The following CAST variants were observed in gnomAD, a reference collection of about 807,000 sequenced individuals.
The protein encoded by CAST is MIR583 host.
CAST carries 76 observed loss-of-function variants against 119.6 expected under a neutral mutation model. That is an observed-to-expected ratio of 0.64 (90% CI 0.53 to 0.77). CAST has a LOEUF of 0.77. Among genes scored for constraint, CAST ranks in the 30% least tolerant of loss-of-function variants. The pLI, the probability that CAST is intolerant of heterozygous loss-of-function variation, is 0.00. For synonymous variants in CAST, 319 were observed against 331.6 expected, an observed-to-expected ratio of 0.96 and a Z score of 0.41; for missense variants, 953 against 946.5, an observed-to-expected ratio of 1.01 and a Z score of -0.09.
the CAST span, among the ~76,000 whole-genome samples, chr5:96,345,137 AGAT>A: frequency 3.3e-5 from 5 of 152,120 alleles, no homozygotes. Context: ...TTGTCATGGG[AGAT>A]GATATCTAAC....
At chr5:96,529,204 A>G (rs1475131635), upstream of CAST, among the ~76,000 whole-genome samples, 1 of 152,202 alleles carries the variant, frequency 6.6e-6, no homozygotes, top group Non-Finnish European at 1.5e-5. Context: ...TGTTAATTTC[A>G]TCAAGTTGGG....
At chr5:96,279,871 C>G in the CAST span, among the ~76,000 whole-genome samples, 2,048 of 152,338 alleles carry the variant, frequency 0.013, 37 homozygotes, top group South Asian at 0.082. Context: ...GTCCTAGACA[C>G]AGTCAACATC....
the CAST span, among the ~76,000 whole-genome samples, chr5:96,261,905 A>G: frequency 4.6e-5 from 7 of 152,332 alleles, no homozygotes; most frequent in African/African-American, 1.7e-4. Flanking sequence ...ATTTTCAGGA[A>G]CATTCTTTTT....
At chr5:96,235,112 G>C in the CAST span, among the ~76,000 whole-genome samples, 2 of 152,148 alleles carry the variant, frequency 1.3e-5, no homozygotes, top group South Asian at 2.1e-4. Flanking sequence ...TCCCAAAGGT[G>C]CCCCTCCAAG....
the CAST span, among the ~76,000 whole-genome samples, chr5:96,413,929 C>T: frequency 7.6e-6 from 1 of 132,384 alleles, no homozygotes; most frequent in African/African-American, 3.0e-5. Context: ...ACCATCCTGG[C>T]TAACATGATG....
the CAST span, among the ~76,000 whole-genome samples, chr5:96,488,411 T>C: frequency 6.6e-6 from 1 of 152,192 alleles, no homozygotes; most frequent in African/African-American, 2.4e-5. Flanking sequence ...TTGATGAACC[T>C]CCTCTTCCCT....
intron 1 of CAST, among the ~76,000 whole-genome samples, chr5:96,618,811 G>T (rs183928580): frequency 1.6e-3 from 243 of 152,266 alleles, no homozygotes; most frequent in African/African-American, 5.7e-3. Context: ...GTGGGCTCCC[G>T]GGGGACCTGA....
chr5:96,153,478 G>C, the CAST span, among the ~76,000 whole-genome samples: 1 of 152,136 alleles, frequency 6.6e-6, no homozygotes, highest in African/African-American at 2.4e-5. Context: ...TTGACGAGAG[G>C]AATGAAAAGG....
At chr5:95,980,263 G>A in the CAST span, 1 of 152,178 alleles carries the variant, frequency 6.6e-6, no homozygotes, top group Non-Finnish European at 1.5e-5. Context: ...GGAGATCTGT[G>A]CTTATAGTTC....
chr5:96,341,332 A>ACCCTCCACCCCAC, the CAST span, among the ~76,000 whole-genome samples: 1 of 57,420 alleles, frequency 1.7e-5, no homozygotes, highest in Non-Finnish European at 3.6e-5. Flanking sequence ...CCATCCCCCC[A>ACCCTCCACCCCAC]CCCTCCACCC....
intron 1 of CAST, among the ~76,000 whole-genome samples, chr5:96,568,597 G>A (rs1345927693): frequency 1.3e-5 from 2 of 149,812 alleles, no homozygotes; most frequent in Admixed American, 6.6e-5. Context: ...AAGAAGATAA[G>A]GGCAGTTGGT....
At chr5:96,276,547 C>T in the CAST span, among the ~76,000 whole-genome samples, 1 of 152,168 alleles carries the variant, frequency 6.6e-6, no homozygotes, top group Non-Finnish European at 1.5e-5. Flanking sequence ...GAGGACATAA[C>T]TGTCTGTAGC....
chr5:96,434,613 T>C, the CAST span, among the ~76,000 whole-genome samples: 2 of 141,210 alleles, frequency 1.4e-5, no homozygotes, highest in African/African-American at 5.7e-5. Flanking sequence ...GTTTGTTTTT[T>C]TTTTTGTTGT....
chr5:96,236,091 G>A, the CAST span, among the ~76,000 whole-genome samples: 20 of 76,954 alleles, frequency 2.6e-4, no homozygotes, highest in African/African-American at 4.1e-4. Context: ...ATGTCTGTCT[G>A]TCTATCTGTC....
chr5:96,198,519 C>T, the CAST span, among the ~76,000 whole-genome samples: 6 of 152,222 alleles, frequency 3.9e-5, no homozygotes, highest in South Asian at 1.2e-3. Context: ...GGCTCTCCTC[C>T]TCCTTGTGTG....
At chr5:96,164,299 T>A in the CAST span, among the ~76,000 whole-genome samples, 1 of 152,234 alleles carries the variant, frequency 6.6e-6, no homozygotes, top group Non-Finnish European at 1.5e-5. Flanking sequence ...GTATGAGAGA[T>A]GAGACATATT....
chr5:96,683,194 G>A (rs1580954463), intron 2 of CAST, among the ~76,000 whole-genome samples: 1 of 152,094 alleles, frequency 6.6e-6, no homozygotes, highest in African/African-American at 2.4e-5. Context: ...GGAAAGAGGG[G>A]GTCTTTCAGG....
chr5:96,398,027 T>G, the CAST span, among the ~76,000 whole-genome samples: 1 of 152,178 alleles, frequency 6.6e-6, no homozygotes, highest in Non-Finnish European at 1.5e-5. Context: ...TACCTGTAAA[T>G]TTTTAAGTCC....
At chr5:96,113,310 G>T in the CAST span, among the ~76,000 whole-genome samples, 1 of 152,180 alleles carries the variant, frequency 6.6e-6, no homozygotes, top group Non-Finnish European at 1.5e-5. Flanking sequence ...TTTATAGAGA[G>T]TGGGTAATCC....
Sources: allele counts gnomAD v4.1 joint callset (sites outside exome capture counted in the v4.1 genomes callset), GRCh38; gene constraint gnomAD v4.1.1; transcripts MANE v1.5; gene names NCBI Gene and HGNC (gene_info 2026-07-23, HGNC 2026-07-21).